Variants in GARIN2 observed in about 807,000 individuals in gnomAD.
GARIN2 encodes the protein Golgi-associated RAB2 interactor protein 2.
chr14:67,214,143 T>C, the GARIN2 span, among the ~76,000 whole-genome samples: 2 of 152,362 alleles, frequency 1.3e-5, no homozygotes, highest in African/African-American at 4.8e-5. Flanking sequence ...TTAGTTTCTT[T>C]TGCTGTGCAG....
the GARIN2 span, among the ~76,000 whole-genome samples, chr14:67,227,933 G>A: frequency 0.18 from 27,524 of 152,008 alleles, 2,881 homozygotes; most frequent in Non-Finnish European, 0.24. Context: ...ACTTTTGGAG[G>A]CCAAGGCGGG....
the GARIN2 span, chr14:67,208,186 C>T: frequency 8.1e-5 from 130 of 1,612,366 alleles, 1 homozygote; most frequent in South Asian, 1.3e-3. Context: ...TTTGCTGCTG[C>T]TTTTTATTTT....
At chr14:67,197,134 G>T in the GARIN2 span, 1 of 152,266 alleles carries the variant, frequency 6.6e-6, no homozygotes, top group Admixed American at 6.5e-5. Flanking sequence ...TTGCTATGTT[G>T]CCCAGGCTGT....
chr14:67,221,474 T>C, the GARIN2 span, among the ~76,000 whole-genome samples: 1 of 152,198 alleles, frequency 6.6e-6, no homozygotes, highest in Admixed American at 6.5e-5. Flanking sequence ...GAGGCGGCAG[T>C]GTTGGGGATG....
chr14:67,222,801 T>C, the GARIN2 span, among the ~76,000 whole-genome samples: 1 of 151,856 alleles, frequency 6.6e-6, no homozygotes, highest in African/African-American at 2.4e-5. Context: ...GCTTCAGTCA[T>C]GCACATAAAA....
the GARIN2 span, chr14:67,225,001 A>T: frequency 1.3e-6 from 1 of 798,140 alleles, no homozygotes; most frequent in Non-Finnish European, 1.9e-6. Context: ...ATTCAAAATA[A>T]GCTCTTTCTC....
the GARIN2 span, among the ~76,000 whole-genome samples, chr14:67,191,556 T>C: frequency 6.6e-6 from 1 of 152,138 alleles, no homozygotes; most frequent in African/African-American, 2.4e-5. Flanking sequence ...TTTCCAAAAA[T>C]TTCCAGATGA....
At chr14:67,200,064 C>G in the GARIN2 span, 2 of 947,512 alleles carry the variant, frequency 2.1e-6, no homozygotes, top group Non-Finnish European at 3.2e-6. Flanking sequence ...AGCCACCACC[C>G]CAACCACCAC....
the GARIN2 span, among the ~76,000 whole-genome samples, chr14:67,197,610 C>A: frequency 2.0e-5 from 3 of 152,096 alleles, no homozygotes; most frequent in Admixed American, 6.6e-5. Flanking sequence ...ATAAGGAGCG[C>A]GCAACCAAGA....
At chr14:67,199,638 G>A in the GARIN2 span, 55 of 1,578,310 alleles carry the variant, frequency 3.5e-5, no homozygotes, top group South Asian at 1.3e-4. Flanking sequence ...GCAGCTGGAC[G>A]ACTTCTGGCA....
chr14:67,219,125 T>C, the GARIN2 span, among the ~76,000 whole-genome samples: 1 of 152,080 alleles, frequency 6.6e-6, no homozygotes, highest in Non-Finnish European at 1.5e-5. Flanking sequence ...AGTGCATACC[T>C]TGTGCTCTTA....
the GARIN2 span, among the ~76,000 whole-genome samples, chr14:67,202,832 C>G: frequency 6.6e-6 from 1 of 152,184 alleles, no homozygotes; most frequent in Admixed American, 6.5e-5. Context: ...TGGACTTGTA[C>G]TTGGTAAAAC....
At chr14:67,192,524 G>A in the GARIN2 span, among the ~76,000 whole-genome samples, 9 of 151,542 alleles carry the variant, frequency 5.9e-5, no homozygotes, top group Admixed American at 1.3e-4. Context: ...TACTGTGCCC[G>A]CACACCGAGA....
At chr14:67,198,118 G>T in the GARIN2 span, 2 of 1,587,654 alleles carry the variant, frequency 1.3e-6, no homozygotes, top group African/African-American at 2.7e-5. Flanking sequence ...TCCACTAATT[G>T]TGTTTCCATT....
chr14:67,221,668 C>T, the GARIN2 span: 1 of 1,507,794 alleles, frequency 6.6e-7, no homozygotes, highest in South Asian at 1.3e-5. Context: ...TGTTTCATTA[C>T]TACCCACAGA....
At chr14:67,199,529 G>A in the GARIN2 span, 4 of 1,611,758 alleles carry the variant, frequency 2.5e-6, no homozygotes, top group Non-Finnish European at 3.4e-6. Context: ...TGCTTCAGTT[G>A]CAGCAATTGA....
At chr14:67,205,896 G>T in the GARIN2 span, among the ~76,000 whole-genome samples, 1 of 152,140 alleles carries the variant, frequency 6.6e-6, no homozygotes, top group African/African-American at 2.4e-5. Flanking sequence ...GTCCACAATA[G>T]AAAAAAGTCT....
At chr14:67,204,623 A>G in the GARIN2 span, 11 of 1,613,752 alleles carry the variant, frequency 6.8e-6, no homozygotes, top group South Asian at 5.5e-5. Context: ...GGTCGAGCCT[A>G]CTACTTACAG....
the GARIN2 span, chr14:67,228,220 TA>T: frequency 4.3e-4 from 68 of 158,222 alleles, no homozygotes; most frequent in African/African-American, 1.5e-3. Flanking sequence ...ATGGCTGGAT[TA>T]AAAAAAAGAG....
Sources: allele counts gnomAD v4.1 joint callset (sites outside exome capture counted in the v4.1 genomes callset), GRCh38; gene constraint gnomAD v4.1.1; transcripts MANE v1.5; gene names NCBI Gene and HGNC (gene_info 2026-07-23, HGNC 2026-07-21).